The following PSMA1 variants were observed in gnomAD, a reference collection of about 807,000 sequenced individuals.
PSMA1 encodes the protein proteasome subunit alpha type-1.
PSMA1 carries 3 observed loss-of-function variants against 38.4 expected under a neutral mutation model. That is an observed-to-expected ratio of 0.08 (90% CI 0.04 to 0.20). The LOEUF (loss-of-function observed/expected upper bound fraction) is 0.20, where lower values mean the gene tolerates loss of function less well. Among genes scored for constraint, PSMA1 ranks in the 10% least tolerant of loss-of-function variants. PSMA1 has a pLI of 1.00. For missense variants in PSMA1, 227 were observed against 325.3 expected, an observed-to-expected ratio of 0.70 and a Z score of 2.32; for synonymous variants, 101 against 107.1, an observed-to-expected ratio of 0.94 and a Z score of 0.35.
intron 2 of PSMA1, among the ~76,000 whole-genome samples, chr11:14,573,065 C>T (rs1460989854): frequency 6.6e-6 from 1 of 152,138 alleles, no homozygotes; most frequent in East Asian, 1.9e-4. Flanking sequence ...GATGGATTCA[C>T]AGCCGAATTC....
chr11:14,571,813 A>T (rs1233491920), intron 2 of PSMA1, among the ~76,000 whole-genome samples: 1 of 152,210 alleles, frequency 6.6e-6, no homozygotes, highest in Admixed American at 6.5e-5. Context: ...AAAGGGATGG[A>T]GGAAGATCTA....
chr11:14,561,809 T>TAAATTAAACTAAACTAAACTAAAC (rs1852011692), intron 2 of PSMA1, among the ~76,000 whole-genome samples: 1 of 147,816 alleles, frequency 6.8e-6, no homozygotes, highest in African/African-American at 2.5e-5. Context: ...CTAAACTAAA[T>TAAATTAAACTAAACTAAACTAAAC]TAAACTAAAC....
At chr11:14,530,851 G>A (rs1167679808) in intron 2 of PSMA1, among the ~76,000 whole-genome samples, 8 of 144,722 alleles carry the variant, frequency 5.5e-5, no homozygotes, top group Non-Finnish European at 1.0e-4. Context: ...GCAGTGAGCC[G>A]AGATCACTCC....
At chr11:14,542,803 C>A (rs1473723829) in intron 2 of PSMA1, among the ~76,000 whole-genome samples, 1 of 152,180 alleles carries the variant, frequency 6.6e-6, no homozygotes, top group African/African-American at 2.4e-5. Flanking sequence ...TTTTTCTGTG[C>A]CAGAAACCAT....
chr11:14,546,155 T>C lies in PSMA1; in HGVS notation c.22-27114A>G, dbSNP rs1448797470. Among the ~76,000 whole-genome samples the C allele has an allele frequency of 4.2e-3, 556 of 133,758 alleles. 11 individuals are homozygous for C. Among genetic ancestry groups the C allele is most frequent in the East Asian group, 3.2e-3 (8 of 2,496 alleles). 87.8% of individuals were successfully genotyped at this position (133,758 alleles called of 152,430 possible). On this transcript the variant is annotated intron_variant, in intron 2 of 10. Transcript: ENST00000418988. ...CTTTCTCTCTCTCTCTCTCTCTTTT[T>C]TTTTTTTTTAGTAAAGGGGATTAGG...
At chr11:14,555,369 C>T (rs1851931737) in intron 2 of PSMA1, among the ~76,000 whole-genome samples, 1 of 152,112 alleles carries the variant, frequency 6.6e-6, no homozygotes, top group Non-Finnish European at 1.5e-5. Context: ...CTAATTTTCC[C>T]TTCTCTCTTA....
chr11:14,640,235 T>C (rs1270937417), intron 1 of PSMA1, among the ~76,000 whole-genome samples: 1 of 151,978 alleles, frequency 6.6e-6, no homozygotes, highest in Non-Finnish European at 1.5e-5. Flanking sequence ...GGACAGATGC[T>C]GGGGAGAGAA....
chr11:14,631,729 TTC>T (rs1236447803), intron 1 of PSMA1, among the ~76,000 whole-genome samples: 1 of 152,190 alleles, frequency 6.6e-6, no homozygotes, highest in Non-Finnish European at 1.5e-5. Flanking sequence ...CTTGTTGACT[TTC>T]TGTCTCATTG....
At chr11:14,610,891 T>C (rs1476040931) in intron 2 of PSMA1, 4 of 1,502,438 alleles carry the variant, frequency 2.7e-6, no homozygotes, top group Admixed American at 1.7e-5. Flanking sequence ...CTAGGTTTTG[T>C]TTTGTGGGGG....
chr11:14,639,957 G>C (rs1015144743), intron 1 of PSMA1, among the ~76,000 whole-genome samples: 3 of 152,016 alleles, frequency 2.0e-5, no homozygotes, highest in African/African-American at 7.2e-5. Flanking sequence ...CTGTTACAAC[G>C]GGCTGTAATA....
chr11:14,524,831 A>G (rs1249147242), upstream of PSMA1, among the ~76,000 whole-genome samples: 2 of 152,092 alleles, frequency 1.3e-5, no homozygotes, highest in Non-Finnish European at 2.9e-5. Flanking sequence ...CCGATTTTAA[A>G]TCGGGAGCCC....
rs117220877 is a variant in PSMA1 at position 14,613,783 on chromosome 11, A to G, written c.-165-2632T>C. Among the ~76,000 whole-genome samples the G allele has an allele frequency of 1.2e-4, 18 of 152,306 alleles. No homozygotes were observed. The East Asian group carries it at 3.5e-3, about 29-fold the overall frequency. On this transcript the variant is annotated intron_variant, in intron 1 of 10. Transcript: ENST00000418988. ...AAGGTGGTTGAGGCCTCTGGACACA[A>G]AGGAGAAACAGGCAGTTGTCTAAAT...
intron 2 of PSMA1, among the ~76,000 whole-genome samples, chr11:14,526,263 C>A (rs1851584610): frequency 6.6e-6 from 1 of 152,134 alleles, no homozygotes; most frequent in Admixed American, 6.5e-5. Context: ...GATCCTAAAT[C>A]CTTTCCCCAG....
At chr11:14,538,778 G>T (rs1035867191) in intron 2 of PSMA1, among the ~76,000 whole-genome samples, 1 of 152,198 alleles carries the variant, frequency 6.6e-6, no homozygotes, top group Non-Finnish European at 1.5e-5. Flanking sequence ...CAGACCATGC[G>T]GTCTGTCCTG....
chr11:14,564,996 C>T lies in PSMA1; in HGVS notation c.22-45955G>A, dbSNP rs372339846. ...GGTCTTACTTTTTGTCCAGGCTGGC[C>T]GTGAACTCCTGGGCTCAAGTAATCC... is the stretch of plus-strand genomic sequence containing the variant. On this transcript the variant is annotated intron_variant, in intron 2 of 10. Transcript: ENST00000418988. Among the ~76,000 whole-genome samples, 6 of 152,106 alleles carry T rather than the reference C, an allele frequency of 3.9e-5. No individual in the cohort carries two copies. In the East Asian group the frequency reaches 5.8e-4, roughly 15 times the overall value.
intron 2 of PSMA1, among the ~76,000 whole-genome samples, chr11:14,541,529 C>T (rs1358972773): frequency 1.3e-5 from 2 of 152,254 alleles, no homozygotes; most frequent in African/African-American, 4.8e-5. Flanking sequence ...TGTCCTCTCA[C>T]AGACAGTCCC....
At chr11:14,532,804 A>G (rs1851662816) in intron 2 of PSMA1, among the ~76,000 whole-genome samples, 1 of 151,470 alleles carries the variant, frequency 6.6e-6, no homozygotes, top group Non-Finnish European at 1.5e-5. Context: ...AGGCATAAGA[A>G]TTGCTTGAAC....
chr11:14,630,303 C>G lies in PSMA1; in HGVS notation c.-166+13152G>C, dbSNP rs1472787856. ...TCAGTATGATATTGGCTGTGGGTTT[C>G]TCATAGATAGCTCTTATTATTTTGA... On this transcript the variant is annotated intron_variant, in intron 1 of 10. Transcript: ENST00000418988. Among the ~76,000 whole-genome samples the G allele has an allele frequency of 8.1e-4, 123 of 152,138 alleles. 1 individual carries two copies. Among genetic ancestry groups the G allele is most frequent in the African/African-American group, 2.3e-3 (96 of 41,514 alleles).
intron 1 of PSMA1, among the ~76,000 whole-genome samples, chr11:14,636,431 T>C (rs374160039): frequency 1.2e-4 from 19 of 152,346 alleles, no homozygotes; most frequent in African/African-American, 4.3e-4. Context: ...GTCATTCTTT[T>C]GAGCAATTCT....
Sources: gnomAD v4.1 joint callset for allele counts (sites outside exome capture counted in the v4.1 genomes callset) on GRCh38, gnomAD v4.1.1 for gene constraint, MANE v1.5 for transcripts, NCBI Gene and HGNC (gene_info 2026-07-23, HGNC 2026-07-21) for gene names.